The following UBE2E2 variants were observed in gnomAD, a reference collection of about 807,000 sequenced individuals.
UBE2E2 encodes the protein ubiquitin-conjugating enzyme E2 E2.
A neutral mutation model predicts 24.7 loss-of-function variants in UBE2E2; 6 were observed. That is an observed-to-expected ratio of 0.24 (90% CI 0.13 to 0.48). UBE2E2 has a LOEUF of 0.48. Among genes scored for constraint, UBE2E2 ranks in the 20% least tolerant of loss-of-function variants. The pLI is 0.99. For synonymous variants in UBE2E2, 104 were observed against 83.6 expected (o/e 1.24, Z -1.33); for missense variants, 169 against 245.0 (o/e 0.69, Z 2.07).
At chr3:23,205,096 A>G (rs1413945086) in intron 1 of UBE2E2, among the ~76,000 whole-genome samples, 1 of 152,244 alleles carries the variant, frequency 6.6e-6, no homozygotes, top group African/African-American at 2.4e-5. Flanking sequence ...CATAGCTAAT[A>G]CAAGCTTAGA....
At chr3:23,501,022 C>A (rs1302055079) in intron 4 of UBE2E2, among the ~76,000 whole-genome samples, 1 of 152,078 alleles carries the variant, frequency 6.6e-6, no homozygotes, top group Non-Finnish European at 1.5e-5. Context: ...AAATCTAATA[C>A]TTATCTTCTC....
chr3:23,459,441 G>A (rs185929027), intron 3 of UBE2E2, among the ~76,000 whole-genome samples: 2 of 152,244 alleles, frequency 1.3e-5, no homozygotes, highest in Admixed American at 6.5e-5. Context: ...GCTTTTTTGA[G>A]AACTTTTAGC....
At chr3:23,366,701 A>G (rs569310380) in intron 3 of UBE2E2, among the ~76,000 whole-genome samples, 14 of 152,212 alleles carry the variant, frequency 9.2e-5, no homozygotes, top group Admixed American at 7.2e-4. Context: ...TAATCTGTAT[A>G]CCAAACCCCT....
At chr3:23,554,708 G>A (rs1695732780) in intron 5 of UBE2E2, among the ~76,000 whole-genome samples, 1 of 151,906 alleles carries the variant, frequency 6.6e-6, no homozygotes, top group Non-Finnish European at 1.5e-5. Flanking sequence ...GGCTACAAAA[G>A]CAAAAATAAA....
intron 3 of UBE2E2, among the ~76,000 whole-genome samples, chr3:23,427,554 A>G (rs999008821): frequency 6.6e-6 from 1 of 152,262 alleles, no homozygotes; most frequent in Non-Finnish European, 1.5e-5. Flanking sequence ...ATAGATAATA[A>G]TTAAACTATA....
Position 23,589,993 on chromosome 3 carries a change from TCCTGCCCCCC to T in UBE2E2, c.*163_*172del. The T allele has an allele frequency of 1.7e-6, 1 of 575,858 alleles. No individual in the cohort carries two copies. The highest frequency in any genetic ancestry group is 3.0e-5 in the Admixed American group (1 of 33,522). The allele number at this position is 575,858 out of a possible 1,614,324, so 35.7% of individuals were successfully genotyped here. A position where few individuals can be genotyped will look rare whatever the true frequency, so the allele number is the denominator to read the frequency against. ...TTGTCCATCTTCCCATCCCAGTTCT[TCCTGCCCCCC>T]TTCCTCTCTCCCACGCTCTCTTTTA... On this transcript the variant is annotated 3_prime_UTR_variant, in exon 6 of 6. Transcript: ENST00000396703. The surrounding 1 kb of genome is among the most constrained non-coding windows in gnomAD (Gnocchi z 4.1).
At chr3:23,477,758 C>A (rs931507251) in intron 3 of UBE2E2, among the ~76,000 whole-genome samples, 3 of 152,192 alleles carry the variant, frequency 2.0e-5, no homozygotes, top group African/African-American at 7.2e-5. Flanking sequence ...AGTGTCCCCA[C>A]TCAAATCTCA....
At chr3:23,524,350 A>G (rs1443265445) in intron 4 of UBE2E2, among the ~76,000 whole-genome samples, 3 of 152,164 alleles carry the variant, frequency 2.0e-5, no homozygotes, top group African/African-American at 7.2e-5. Flanking sequence ...ACTAGTAACT[A>G]GGGGATGTAA....
In UBE2E2 at chr3:23,455,272, C is replaced by G. The variant is rs961649248; in HGVS notation, c.228-44336C>G. ...AGATACTGCAGGTTCGGCTCGAGAC[C>G]ACAGCAATAAAGCAGATGTTGCAAC... On this transcript the variant is annotated intron_variant, in intron 3 of 5. Transcript: ENST00000396703. 2.0e-5 allele frequency among the ~76,000 whole-genome samples: 3 copies of G among 152,138 alleles called. No individual in the cohort carries two copies. The South Asian group carries it at 6.2e-4, about 31-fold the overall frequency.
chr3:23,441,325 C>A (rs1698297922), intron 3 of UBE2E2, among the ~76,000 whole-genome samples: 1 of 149,372 alleles, frequency 6.7e-6, no homozygotes, highest in African/African-American at 2.5e-5. Flanking sequence ...GAGATCGAGA[C>A]CGTCCTGGCT....
At chr3:23,473,524 A>G in intron 3 of UBE2E2, among the ~76,000 whole-genome samples, 1 of 151,916 alleles carries the variant, frequency 6.6e-6, no homozygotes, top group Non-Finnish European at 1.5e-5. Context: ...ACTGTGGTGC[A>G]CCCATCACTT....
intron 3 of UBE2E2, among the ~76,000 whole-genome samples, chr3:23,340,197 G>A (rs574590554): frequency 6.6e-6 from 1 of 152,196 alleles, no homozygotes; most frequent in South Asian, 2.1e-4. Context: ...CTACTGAATT[G>A]TAAAGAGCCA....
intron 3 of UBE2E2, among the ~76,000 whole-genome samples, chr3:23,285,644 C>G (rs2125374795): frequency 6.6e-6 from 1 of 152,248 alleles, no homozygotes; most frequent in East Asian, 1.9e-4. Flanking sequence ...AGCACTCTTT[C>G]ATATGGCTGT....
At position 23,474,525 on chromosome 3, in the gene UBE2E2, A is replaced by G. The variant is rs1471476491; in HGVS notation, c.228-25083A>G. Among the ~76,000 whole-genome samples, 2 of 152,072 alleles carry G rather than the reference A, an allele frequency of 1.3e-5. No individual in the cohort carries two copies. Among genetic ancestry groups the G allele is most frequent in the Non-Finnish European group, 2.9e-5 (2 of 68,026 alleles). On this transcript the variant is annotated intron_variant, in intron 3 of 5. Coordinates refer to ENST00000396703, the MANE Select transcript of UBE2E2 (RefSeq NM_152653.4). This position sits in a 1 kb window ranked among gnomAD's most constrained non-coding sequence, Gnocchi z 4.0. ...ATAGAATTATAATGTATAATTTTGG[A>G]ATTTATTGTTGAAGGGGGCTTTGGT... is the stretch of plus-strand genomic sequence containing the variant.
chr3:23,354,183 T>C (rs915665424), intron 3 of UBE2E2, among the ~76,000 whole-genome samples: 10 of 152,146 alleles, frequency 6.6e-5, no homozygotes, highest in Admixed American at 5.2e-4. Context: ...TGGCTAGCCA[T>C]ATGTAGAAAG....
chr3:23,423,667 A>C (rs2125393637), intron 3 of UBE2E2, among the ~76,000 whole-genome samples: 1 of 152,322 alleles, frequency 6.6e-6, no homozygotes, highest in Middle Eastern at 3.4e-3. Context: ...TAGATCAGTG[A>C]TTGTAATAGG....
At chr3:23,470,566 G>A (rs1264788349) in intron 3 of UBE2E2, among the ~76,000 whole-genome samples, 1 of 152,198 alleles carries the variant, frequency 6.6e-6, no homozygotes, top group African/African-American at 2.4e-5. Flanking sequence ...ATCTAATTGA[G>A]TTGATCATTT....
chr3:23,318,164 T>G (rs1339729717), intron 3 of UBE2E2, among the ~76,000 whole-genome samples: 1 of 152,010 alleles, frequency 6.6e-6, no homozygotes, highest in Non-Finnish European at 1.5e-5. Context: ...TTAAAAAAAT[T>G]TTTTTTATTA....
intron 4 of UBE2E2, among the ~76,000 whole-genome samples, chr3:23,516,461 T>TA (rs1455618662): frequency 6.6e-6 from 1 of 152,174 alleles, no homozygotes; most frequent in Non-Finnish European, 1.5e-5. Flanking sequence ...CAGACTCTGA[T>TA]ACCAGCAGTA....
Sources: allele counts gnomAD v4.1 joint callset (sites outside exome capture counted in the v4.1 genomes callset), GRCh38; gene constraint gnomAD v4.1.1; non-coding constraint Gnocchi (gnomAD v3.1); transcripts MANE v1.5; gene names NCBI Gene and HGNC (gene_info 2026-07-23, HGNC 2026-07-21).